The following AGAP1 variants were observed in gnomAD, a reference collection of about 807,000 sequenced individuals.
The protein encoded by AGAP1 is ArfGAP with GTPase domain, ankyrin repeat and PH domain 1.
Under a neutral mutation model 105.3 loss-of-function variants are expected in AGAP1, and 29 were observed. That is an observed-to-expected ratio of 0.28 (90% CI 0.21 to 0.38). The LOEUF is 0.38. Among genes scored for constraint, AGAP1 ranks in the 10% least tolerant of loss-of-function variants. The probability of loss-of-function intolerance (pLI) is 1.00; values close to 1 mark genes in which losing one functional copy is unlikely to be tolerated. For missense variants in AGAP1, 998 were observed against 1,165.1 expected, an observed-to-expected ratio of 0.86 and a Z score of 2.09; for synonymous variants, 509 against 485.9, an observed-to-expected ratio of 1.05 and a Z score of -0.63.
Position 235,744,530 on chromosome 2 carries a change from C to T in AGAP1, c.397-168C>T, listed in dbSNP as rs566707485. Among the ~76,000 whole-genome samples, 4 of 152,188 alleles carry T rather than the reference C, an allele frequency of 2.6e-5. No individual in the cohort carries two copies. In the South Asian group the frequency reaches 6.2e-4, roughly 24 times the overall value. On this transcript the variant is annotated intron_variant, in intron 4 of 17. Transcript: ENST00000304032. The surrounding 1 kb of genome is among the most constrained non-coding windows in gnomAD (Gnocchi z 5.2). Reference sequence around the variant, plus strand: ...AGGCATGGTGTGCTCAGGAGGAGGACGTGGATGCCGTGACAGTGTGTAAAA... The same window carrying T: ...AGGCATGGTGTGCTCAGGAGGAGGATGTGGATGCCGTGACAGTGTGTAAAA...
At chr2:235,539,404 C>T (rs1192245024) in intron 1 of AGAP1, among the ~76,000 whole-genome samples, 1 of 152,184 alleles carries the variant, frequency 6.6e-6, no homozygotes, top group East Asian at 1.9e-4. Flanking sequence ...AGGGAATGGG[C>T]CATGGGTCTC....
At chr2:235,516,261 T>C (rs1432329836) in intron 1 of AGAP1, among the ~76,000 whole-genome samples, 1 of 152,142 alleles carries the variant, frequency 6.6e-6, no homozygotes, top group Non-Finnish European at 1.5e-5. Context: ...TGAATGTCTT[T>C]CCTGAATGTT....
rs115903849 is a variant in AGAP1, at chr2:235,627,070, A to G, written c.164-82109A>G. Among the ~76,000 whole-genome samples the G allele has an allele frequency of 6.0e-3, 909 of 152,034 alleles. 10 individuals carry two copies. The highest frequency in any genetic ancestry group is 0.021 in the African/African-American group (856 of 41,468). On this transcript the variant is annotated intron_variant, in intron 1 of 17. Coordinates refer to ENST00000304032, the MANE Select transcript of AGAP1 (RefSeq NM_001037131.3). ...AGTTGAAAAGTAAGACATAGCGTGG[A>G]TATTGTTTTGTTCTTTAATTTTACA...
chr2:236,097,902 G>T (rs960704712), intron 16 of AGAP1, among the ~76,000 whole-genome samples: 4 of 152,138 alleles, frequency 2.6e-5, no homozygotes, highest in African/African-American at 9.7e-5. Context: ...TCATGTGAGT[G>T]GAATCTTATA....
At position 235,971,654 on chromosome 2, in the gene AGAP1, C is replaced by T. The variant is rs1309865775; in HGVS notation, c.1645+3031C>T. Among the ~76,000 whole-genome samples, 3 of 150,414 alleles carry T rather than the reference C, an allele frequency of 2.0e-5. No homozygotes were observed. Among genetic ancestry groups the T allele is most frequent in the Admixed American group, 6.6e-5 (1 of 15,132 alleles). On this transcript the variant is annotated intron_variant, in intron 13 of 17. Transcript: ENST00000304032. The surrounding 1 kb of genome is among the most constrained non-coding windows in gnomAD (Gnocchi z 4.8). Reference sequence around the variant, plus strand: ...GCAGTGAGCCGGGATGGCGCCACTGCGCTCCAGCCTGGGCGACAGAGTGAG... The same window carrying T: ...GCAGTGAGCCGGGATGGCGCCACTGTGCTCCAGCCTGGGCGACAGAGTGAG...
chr2:235,709,903 A>G (rs776111333), intron 2 of AGAP1, among the ~76,000 whole-genome samples: 6 of 152,112 alleles, frequency 3.9e-5, no homozygotes, highest in Admixed American at 6.5e-5. Context: ...TTGTCGTGAA[A>G]TATGTGGCAT....
Position 236,056,485 on chromosome 2 carries a change from A to G in AGAP1, c.2114+7204A>G, listed in dbSNP as rs1221050572. On this transcript the variant is annotated intron_variant, in intron 16 of 17. Coordinates refer to ENST00000304032, the MANE Select transcript of AGAP1 (RefSeq NM_001037131.3). This position sits in a 1 kb window ranked among gnomAD's most constrained non-coding sequence, Gnocchi z 4.6. Reference sequence around the variant, plus strand: ...CAACTGGCTTCCAGGTGCCCTGACCACGTTCAAGCCTGTGTCTACTTGTGG... The same window carrying G: ...CAACTGGCTTCCAGGTGCCCTGACCGCGTTCAAGCCTGTGTCTACTTGTGG... Among the ~76,000 whole-genome samples, 2 of 152,228 alleles carry G rather than the reference A, an allele frequency of 1.3e-5. No individual in the cohort carries two copies. Among genetic ancestry groups the G allele is most frequent in the African/African-American group, 4.8e-5 (2 of 41,462 alleles).
At chr2:236,066,610 C>G (rs189755440) in intron 16 of AGAP1, among the ~76,000 whole-genome samples, 33 of 152,316 alleles carry the variant, frequency 2.2e-4, no homozygotes, top group African/African-American at 7.9e-4. Context: ...ATCATGAACT[C>G]TTAAAATGGT....
intron 10 of AGAP1, among the ~76,000 whole-genome samples, chr2:235,907,385 G>A (rs913195195): frequency 6.6e-6 from 1 of 151,818 alleles, no homozygotes; most frequent in African/African-American, 2.4e-5. Flanking sequence ...GTGGGAGGGT[G>A]ACTTGAGACT....
At chr2:235,706,978 C>T (rs1040182) in intron 1 of AGAP1, among the ~76,000 whole-genome samples, 53,455 of 152,162 alleles carry the variant, frequency 0.35, 9,800 homozygotes, top group South Asian at 0.44. Context: ...CCTGACTGAG[C>T]GCTTGCTGGG....
intron 1 of AGAP1, among the ~76,000 whole-genome samples, chr2:235,688,558 A>T (rs1054938910): frequency 6.6e-6 from 1 of 152,112 alleles, no homozygotes; most frequent in African/African-American, 2.4e-5. Context: ...ATCCTGCCAC[A>T]TGAGACTGCA....
In AGAP1 at chr2:235,504,348, G is replaced by A. The variant is rs145576975; in HGVS notation, c.163+9499G>A. On this transcript the variant is annotated intron_variant, in intron 1 of 17. Transcript: ENST00000304032. ...ATGTGCTTGAGTGGTTGCCTGTTTC[G>A]GGGGCTGTCAGTGTTTGAGTGGCTG... is the stretch of plus-strand genomic sequence containing the variant. Among the ~76,000 whole-genome samples the A allele has an allele frequency of 4.7e-3, 702 of 149,762 alleles. 3 individuals are homozygous for A. The highest frequency in any genetic ancestry group is 0.017 in the African/African-American group (659 of 39,248).
At position 235,692,833 on chromosome 2, in the gene AGAP1, G is replaced by A. The variant is rs986928670; in HGVS notation, c.164-16346G>A. Among the ~76,000 whole-genome samples the A allele has an allele frequency of 6.6e-6, 1 of 152,186 alleles. No homozygotes were observed. Among genetic ancestry groups the A allele is most frequent in the African/African-American group, 2.4e-5 (1 of 41,440 alleles). ...TGATTCTCGAAGGCGGAGTCAGGGT[G>A]TGCTTGGTGTGCGTATCTCCCTTGA... On this transcript the variant is annotated intron_variant, in intron 1 of 17. Transcript: ENST00000304032. The surrounding 1 kb of genome is among the most constrained non-coding windows in gnomAD (Gnocchi z 5.8).
Position 235,977,421 on chromosome 2 carries a change from C to G in AGAP1, c.1645+8798C>G, listed in dbSNP as rs931639540. Among the ~76,000 whole-genome samples, 1 of 152,084 alleles carries G rather than the reference C, an allele frequency of 6.6e-6. No homozygotes were observed. Among genetic ancestry groups the G allele is most frequent in the African/African-American group, 2.4e-5 (1 of 41,400 alleles). ...TGTGTCTTCCTTACTATTCTAAATC[C>G]TCATCTACTCTTTCTACTTTCCTCA... On this transcript the variant is annotated intron_variant, in intron 13 of 17. Transcript: ENST00000304032. The surrounding 1 kb of genome is among the most constrained non-coding windows in gnomAD (Gnocchi z 5.2).
Position 236,036,465 on chromosome 2 carries a change from G to A in AGAP1, c.1646-96G>A, listed in dbSNP as rs1400573892. The A allele has an allele frequency of 1.3e-6, 2 of 1,497,224 alleles. No individual in the cohort carries two copies. The highest frequency in any genetic ancestry group is 2.8e-5 in the African/African-American group (2 of 71,984). The allele number at this position is 1,497,224 out of a possible 1,614,324, so 92.7% of individuals were successfully genotyped here. On this transcript the variant is annotated intron_variant, in intron 13 of 17. Coordinates refer to ENST00000304032, the MANE Select transcript of AGAP1 (RefSeq NM_001037131.3). This position sits in a 1 kb window ranked among gnomAD's most constrained non-coding sequence, Gnocchi z 5.7. Reference sequence around the variant, plus strand: ...GTGCGCCTCACCGGTCCATGCAGGGGCAGCTGAACCCAGAGGCGCTTCTGT... The same window carrying A: ...GTGCGCCTCACCGGTCCATGCAGGGACAGCTGAACCCAGAGGCGCTTCTGT...
At chr2:235,915,363 T>A (rs1476858195) in intron 11 of AGAP1, among the ~76,000 whole-genome samples, 1 of 152,172 alleles carries the variant, frequency 6.6e-6, no homozygotes, top group Non-Finnish European at 1.5e-5. Context: ...ATGATACTCA[T>A]AAAATGAGGC....
intron 12 of AGAP1, among the ~76,000 whole-genome samples, chr2:235,933,294 G>A (rs1336078542): frequency 6.6e-6 from 1 of 152,140 alleles, no homozygotes; most frequent in African/African-American, 2.4e-5. Context: ...GGAGGAAAAG[G>A]GAAGATGGAA....
At chr2:235,573,081 CTTT>C (rs1944621865) in intron 1 of AGAP1, among the ~76,000 whole-genome samples, 1 of 114,472 alleles carries the variant, frequency 8.7e-6, no homozygotes, top group African/African-American at 3.2e-5. Context: ...CTTCTTTCTT[CTTT>C]CTTCTTTCTT....
chr2:235,990,950 A>G (rs993854536), intron 13 of AGAP1, among the ~76,000 whole-genome samples: 1 of 152,238 alleles, frequency 6.6e-6, no homozygotes, highest in African/African-American at 2.4e-5. Flanking sequence ...GCAGCCAAGC[A>G]GGGCTCACCG....
Sources: allele counts gnomAD v4.1 joint callset (sites outside exome capture counted in the v4.1 genomes callset), GRCh38; gene constraint gnomAD v4.1.1; non-coding constraint Gnocchi (gnomAD v3.1); transcripts MANE v1.5; gene names NCBI Gene and HGNC (gene_info 2026-07-23, HGNC 2026-07-21).